ATG10: variants seen among roughly 807,000 people sequenced by gnomAD.
ATG10 encodes the protein autophagy related 10.
In ATG10, 30 loss-of-function variants were observed where a neutral mutation model predicts 32.1. That is an observed-to-expected ratio of 0.94 (90% CI 0.70 to 1.27). The LOEUF (loss-of-function observed/expected upper bound fraction) is 1.27, where lower values mean the gene tolerates loss of function less well. ATG10 is among the 50% of genes most tolerant of loss of function. The pLI is 0.00. For missense variants in ATG10, 233 were observed against 262.3 expected, an observed-to-expected ratio of 0.89 and a Z score of 0.77; for synonymous variants, 87 against 91.5, an observed-to-expected ratio of 0.95 and a Z score of 0.28.
intron 5 of ATG10, among the ~76,000 whole-genome samples, chr5:82,179,586 A>C (rs1744157810): frequency 1.3e-5 from 2 of 152,176 alleles, no homozygotes; most frequent in South Asian, 4.1e-4. Context: ...TCTGTCAATC[A>C]TGTAAGTCAT....
intron 2 of ATG10, among the ~76,000 whole-genome samples, chr5:81,997,974 T>C (rs1761718050): frequency 6.6e-6 from 1 of 152,224 alleles, no homozygotes; most frequent in Non-Finnish European, 1.5e-5. Flanking sequence ...TTTCAGGATA[T>C]CGTCCATGCA....
At chr5:82,227,175 T>C (rs1438882697) in intron 5 of ATG10, among the ~76,000 whole-genome samples, 2 of 152,066 alleles carry the variant, frequency 1.3e-5, no homozygotes, top group Non-Finnish European at 2.9e-5. Flanking sequence ...AAGGCACCTG[T>C]GGTTGAGATT....
intron 4 of ATG10, among the ~76,000 whole-genome samples, chr5:82,171,970 A>G (rs1356454894): frequency 6.6e-6 from 1 of 152,200 alleles, no homozygotes; most frequent in Non-Finnish European, 1.5e-5. Flanking sequence ...ATTCACTATA[A>G]CAAGTAGAAT....
At chr5:82,111,393 A>T (rs1434630908) in intron 3 of ATG10, 1 of 151,986 alleles carries the variant, frequency 6.6e-6, no homozygotes, top group Admixed American at 6.6e-5. Flanking sequence ...GTATACAGAC[A>T]TCTTGCTTAT....
chr5:82,019,968 A>G (rs1762392025), intron 2 of ATG10, among the ~76,000 whole-genome samples: 1 of 152,216 alleles, frequency 6.6e-6, no homozygotes, highest in Non-Finnish European at 1.5e-5. Flanking sequence ...GGGGATGGTG[A>G]CTGCCTGGAT....
intron 3 of ATG10, among the ~76,000 whole-genome samples, chr5:82,085,747 G>A (rs1466567068): frequency 5.3e-5 from 8 of 152,020 alleles, no homozygotes; most frequent in Admixed American, 3.3e-4. Flanking sequence ...AGTAAAAAAT[G>A]GGTATTTGCA....
chr5:82,170,222 T>C (rs1743747653), intron 4 of ATG10, among the ~76,000 whole-genome samples: 1 of 151,954 alleles, frequency 6.6e-6, no homozygotes, highest in Non-Finnish European at 1.5e-5. Flanking sequence ...GTTTGTGCCA[T>C]ATGGAAAAAA....
intron 5 of ATG10, among the ~76,000 whole-genome samples, chr5:82,246,939 G>A (rs1455477279): frequency 2.0e-5 from 3 of 152,144 alleles, no homozygotes; most frequent in Non-Finnish European, 4.4e-5. Flanking sequence ...TGACAGTTAA[G>A]GTTTTTTCCC....
At chr5:82,106,401 G>A (rs557746706) in intron 3 of ATG10, among the ~76,000 whole-genome samples, 1 of 152,128 alleles carries the variant, frequency 6.6e-6, no homozygotes, top group African/African-American at 2.4e-5. Flanking sequence ...TGAGAGGTTG[G>A]GCAATAGAGC....
At chr5:81,992,290 A>G (rs1204021248) in intron 2 of ATG10, 6 of 150,756 alleles carry the variant, frequency 4.0e-5, no homozygotes, top group Admixed American at 4.0e-4. Flanking sequence ...ATGCCTGACC[A>G]AGGCTCCTTT....
At chr5:82,233,070 C>T (rs1423287357) in intron 5 of ATG10, among the ~76,000 whole-genome samples, 2 of 152,146 alleles carry the variant, frequency 1.3e-5, no homozygotes, top group African/African-American at 4.8e-5. Flanking sequence ...TAAAAATATA[C>T]AAAAAGAATT....
chr5:82,163,432 TTATCTC>T lies in ATG10; in HGVS notation c.217-966_217-961del. On this transcript the variant is annotated intron_variant, in intron 3 of 7. Transcript: ENST00000282185. ...TCTTGAAAGTAGTCTGGGGCTTTGC[TTATCTC>T]CACAGGAAACCTTATTTCATATTGA... is the stretch of plus-strand genomic sequence containing the variant. 1.3e-5 allele frequency among the ~76,000 whole-genome samples: 2 copies of T among 152,340 alleles called. 1 individual carries two copies. The highest frequency in any genetic ancestry group is 4.1e-4 in the South Asian group (2 of 4,830).
intron 3 of ATG10, among the ~76,000 whole-genome samples, chr5:82,068,598 TG>T (rs1764019591): frequency 6.6e-6 from 1 of 150,924 alleles, no homozygotes; most frequent in South Asian, 2.1e-4. Flanking sequence ...AATAGATTGT[TG>T]GGGGTTTCAA....
At chr5:81,987,081 CA>C (rs969181140) in intron 1 of ATG10, among the ~76,000 whole-genome samples, 16 of 151,828 alleles carry the variant, frequency 1.1e-4, no homozygotes, top group African/African-American at 3.6e-4. Context: ...ATAAAAACAA[CA>C]AAAAAATGGG....
intron 3 of ATG10, among the ~76,000 whole-genome samples, chr5:82,158,947 T>C (rs773316285): frequency 1.3e-5 from 2 of 152,158 alleles, no homozygotes; most frequent in Admixed American, 1.3e-4. Context: ...AAACCATAGA[T>C]AATACTGAGC....
chr5:82,015,106 G>C (rs1762244721), intron 2 of ATG10, among the ~76,000 whole-genome samples: 2 of 152,240 alleles, frequency 1.3e-5, no homozygotes, highest in South Asian at 2.1e-4. Flanking sequence ...GGCTGGATAT[G>C]TGATTCTGGG....
chr5:82,102,228 G>A (rs180992741), intron 3 of ATG10, among the ~76,000 whole-genome samples: 1 of 152,232 alleles, frequency 6.6e-6, no homozygotes, highest in East Asian at 1.9e-4. Flanking sequence ...ATTTTCCTGA[G>A]GTGTTTCAAT....
chr5:82,178,971 C>A (rs1461486915), intron 5 of ATG10, among the ~76,000 whole-genome samples: 1 of 152,094 alleles, frequency 6.6e-6, no homozygotes, highest in East Asian at 1.9e-4. Flanking sequence ...ATTTCATACA[C>A]CTAATCTACT....
intron 2 of ATG10, among the ~76,000 whole-genome samples, chr5:82,012,993 C>T (rs542034054): frequency 1.4e-4 from 20 of 147,616 alleles, no homozygotes; most frequent in South Asian, 4.3e-4. Context: ...GATGGAGTCT[C>T]GCCCTGTTGC....
Sources: gnomAD v4.1 joint callset for allele counts (sites outside exome capture counted in the v4.1 genomes callset) on GRCh38, gnomAD v4.1.1 for gene constraint, MANE v1.5 for transcripts, NCBI Gene and HGNC (gene_info 2026-07-23, HGNC 2026-07-21) for gene names.